The following BTG4 variants were observed in gnomAD, a reference collection of about 807,000 sequenced individuals.
BTG4 encodes protein BTG4.
A neutral mutation model predicts 19.3 loss-of-function variants in BTG4; 10 were observed. The observed-to-expected ratio is 0.52, with a 90% CI of 0.32 to 0.88. The LOEUF is 0.88. BTG4 is among the 40% of genes least tolerant of loss of function. BTG4 has a pLI of 0.04. For synonymous variants in BTG4, 91 were observed against 95.7 expected, an observed-to-expected ratio of 0.95 and a Z score of 0.29; for missense variants, 238 against 281.9, an observed-to-expected ratio of 0.84 and a Z score of 1.11.
chr11:111,462,025 G>A, the BTG4 span: 1 of 152,772 alleles, frequency 6.5e-6, no homozygotes, highest in Non-Finnish European at 1.5e-5. Context: ...AAGTGGCGCT[G>A]AGCAGCAGGT....
the BTG4 span, among the ~76,000 whole-genome samples, chr11:111,436,980 G>A: frequency 6.6e-6 from 1 of 152,322 alleles, no homozygotes; most frequent in South Asian, 2.1e-4. Flanking sequence ...ACGCTGCAGG[G>A]CAGAACAAAA....
intron 5 of BTG4, among the ~76,000 whole-genome samples, chr11:111,469,004 G>C (rs1245505149): frequency 2.0e-5 from 3 of 152,230 alleles, no homozygotes; most frequent in African/African-American, 7.2e-5. Context: ...GGAGACAGTG[G>C]AGCAAATGAC....
At chr11:111,486,919 A>G (rs1053742207) in intron 5 of BTG4, among the ~76,000 whole-genome samples, 1 of 151,970 alleles carries the variant, frequency 6.6e-6, no homozygotes, top group African/African-American at 2.4e-5. Context: ...TCAACCCATT[A>G]CCTAGGTATT....
the BTG4 span, among the ~76,000 whole-genome samples, chr11:111,446,662 C>A: frequency 6.7e-6 from 1 of 148,282 alleles, no homozygotes; most frequent in African/African-American, 2.4e-5. Flanking sequence ...CACATCCTCC[C>A]CTGCAACAGC....
the BTG4 span, among the ~76,000 whole-genome samples, chr11:111,426,763 A>G: frequency 6.6e-6 from 1 of 152,204 alleles, no homozygotes; most frequent in Non-Finnish European, 1.5e-5. Context: ...ACGCCCCTGT[A>G]TCACACTGCA....
At chr11:111,509,946 C>T (rs1209250373) in intron 1 of BTG4, among the ~76,000 whole-genome samples, 1 of 126,376 alleles carries the variant, frequency 7.9e-6, no homozygotes, top group Non-Finnish European at 1.6e-5. Context: ...GAGTCTTGCT[C>T]TGTCACCCAG....
chr11:111,496,049 A>G (rs1865708452), intron 4 of BTG4, among the ~76,000 whole-genome samples: 1 of 152,244 alleles, frequency 6.6e-6, no homozygotes, highest in African/African-American at 2.4e-5. Context: ...TCGTTCTGGC[A>G]TATAAAGAAC....
At chr11:111,405,403 T>TAAAAAA in the BTG4 span, among the ~76,000 whole-genome samples, 1 of 8,654 alleles carries the variant, frequency 1.2e-4, no homozygotes, top group Non-Finnish European at 1.8e-4. Context: ...AGACTCCGTC[T>TAAAAAA]CAAAAAAAAA....
At chr11:111,476,052 T>C (rs569615300) in intron 5 of BTG4, among the ~76,000 whole-genome samples, 4 of 151,478 alleles carry the variant, frequency 2.6e-5, no homozygotes, top group African/African-American at 4.9e-5. Flanking sequence ...TCTTAACACA[T>C]AGGGATTACT....
At chr11:111,482,647 T>C (rs1266047645) in intron 5 of BTG4, among the ~76,000 whole-genome samples, 1 of 152,092 alleles carries the variant, frequency 6.6e-6, no homozygotes, top group East Asian at 1.9e-4. Context: ...AGTGATATAC[T>C]CAACTGAATT....
intron 2 of BTG4, 68 bp downstream of exon 2, chr11:111,498,536 A>G (rs1183015796): frequency 7.2e-7 from 1 of 1,395,194 alleles, no homozygotes; most frequent in African/African-American, 1.5e-5. Flanking sequence ...AGATCACTCC[A>G]TTTTCCTAGG....
At chr11:111,461,934 C>G in the BTG4 span, 1 of 152,814 alleles carries the variant, frequency 6.5e-6, no homozygotes, top group South Asian at 2.1e-4. Flanking sequence ...AGGAGCAGTA[C>G]TGGTGCCACC....
chr11:111,505,775 C>T (rs1436728909), intron 1 of BTG4, among the ~76,000 whole-genome samples: 1 of 151,830 alleles, frequency 6.6e-6, no homozygotes, highest in Non-Finnish European at 1.5e-5. Context: ...TCAAACAACT[C>T]AACAAACATA....
downstream of BTG4, among the ~76,000 whole-genome samples, chr11:111,494,461 A>G (rs1159603619): frequency 6.6e-6 from 1 of 152,252 alleles, no homozygotes; most frequent in Non-Finnish European, 1.5e-5. Context: ...TAAAATCTAT[A>G]AAATCTAACA....
the BTG4 span, chr11:111,453,397 T>C: frequency 2.2e-6 from 1 of 453,730 alleles, no homozygotes; most frequent in Non-Finnish European, 4.4e-6. Flanking sequence ...CTCCCCATTA[T>C]GTACTCTGTA....
At chr11:111,489,388 A>C (rs1292780577) in intron 5 of BTG4, among the ~76,000 whole-genome samples, 1 of 152,144 alleles carries the variant, frequency 6.6e-6, no homozygotes, top group Non-Finnish European at 1.5e-5. Context: ...TCCTCAAAAA[A>C]CTACAAATAG....
intron 4 of BTG4, 175 bp downstream of exon 4, chr11:111,497,036 C>T (rs569723060): frequency 5.6e-6 from 3 of 535,554 alleles, no homozygotes; most frequent in East Asian, 3.1e-5. Flanking sequence ...GTAGGGAATA[C>T]ATTGTGCAGT....
At chr11:111,514,622 G>A (rs1565483851), upstream of BTG4, 2 of 619,674 alleles carry the variant, frequency 3.2e-6, no homozygotes, top group Non-Finnish European at 5.7e-6. Flanking sequence ...CCGCAGGGGT[G>A]GGCTTCCGAC....
chr11:111,465,966 GA>G (rs1397147990), downstream of BTG4, among the ~76,000 whole-genome samples: 2 of 152,170 alleles, frequency 1.3e-5, no homozygotes, highest in African/African-American at 4.8e-5. Flanking sequence ...TTCTTTGGGT[GA>G]AACTAGGAAG....
Sources: allele counts gnomAD v4.1 joint callset (sites outside exome capture counted in the v4.1 genomes callset), GRCh38; gene constraint gnomAD v4.1.1; transcripts MANE v1.5; gene names NCBI Gene and HGNC (gene_info 2026-07-23, HGNC 2026-07-21).